Variants in SIRT7 observed in about 807,000 individuals in gnomAD.
The protein encoded by SIRT7 is NAD-dependent protein deacetylase sirtuin-7.
A neutral mutation model predicts 42.8 loss-of-function variants in SIRT7; 32 were observed. The observed-to-expected ratio is 0.75, with a 90% CI of 0.56 to 1.00. The LOEUF (loss-of-function observed/expected upper bound fraction) is 1.00, where lower values mean the gene tolerates loss of function less well. SIRT7 is among the 50% of genes least tolerant of loss of function. SIRT7 has a pLI of 0.00. For synonymous variants in SIRT7, 297 were observed against 245.2 expected (o/e 1.21, Z -1.97); for missense variants, 553 against 572.2 (o/e 0.97, Z 0.34).
Position 81,914,585 on chromosome 17 carries a change from TC to T in SIRT7, c.579+18del. 6.2e-7 allele frequency: 1 copy of T among 1,612,436 alleles called. No individual in the cohort carries two copies. Among genetic ancestry groups the T allele is most frequent in the Non-Finnish European group, 8.5e-7 (1 of 1,179,462 alleles). On this transcript the variant is annotated intron_variant, in intron 6 of 9. Transcript: ENST00000328666. ...CCCGCCTGCCCATGGAGACCCTGGG[TC>T]CCTGCAGGACTGCTCACTTCAATGT... is the stretch of plus-strand genomic sequence containing the variant.
At position 81,914,672 on chromosome 17, in the gene SIRT7, C is replaced by G; in HGVS notation, c.511G>C (p.Gly171Arg). The change falls in exon 6 of 10, where the codon GGG (glycine) becomes CGG (arginine). Residue 171 changes from glycine to arginine, a missense_variant. Transcript: ENST00000328666. Reference sequence around the variant, plus strand: ...GGCAGCCCACTCCTCAGGTGGAGCCCGTCACAGTTCTGAGACACCACATGC... The same window carrying G: ...GGCAGCCCACTCCTCAGGTGGAGCCGGTCACAGTTCTGAGACACCACATGC... ...VQHVVSQNCD[G>R]LHLRSGLPRT... 1 of 1,612,910 alleles carries G rather than the reference C, an allele frequency of 6.2e-7. No individual in the cohort carries two copies. The highest frequency in any genetic ancestry group is 8.5e-7 in the Non-Finnish European group (1 of 1,179,994).
Position 81,915,480 on chromosome 17 carries a change from AG to A in SIRT7, c.439del (p.Leu147SerfsTer4), listed in dbSNP as rs1452048782. 10 of 1,613,548 alleles carry A rather than the reference AG, an allele frequency of 6.2e-6. No individual in the cohort carries two copies. Among genetic ancestry groups the A allele is most frequent in the Non-Finnish European group, 8.5e-6 (10 of 1,179,944 alleles). On this transcript the variant is annotated frameshift_variant, in exon 5 of 10. Coordinates refer to ENST00000328666, the MANE Select transcript of SIRT7 (RefSeq NM_016538.3). LOFTEE classifies it high-confidence loss of function. ...CAGACGGGTGATGCTCATGTGGGTG[AG>A]GGTTGGCTCGGCCTCGCTCAGGTCG... ...AADLSEAEPTLTHMSITRLHE... is the reference protein window; with the variant it reads ...AADLSEAEPTXTHMSITRLHE...
Position 81,917,889 on chromosome 17 carries a change from C to G in SIRT7, c.172G>C (p.Val58Leu). 1 of 1,436,614 alleles carries G rather than the reference C, an allele frequency of 7.0e-7. No individual in the cohort carries two copies. The highest frequency in any genetic ancestry group is 9.1e-7 in the Non-Finnish European group (1 of 1,097,940). The allele number at this position is 1,436,614 out of a possible 1,614,324, so 89.0% of individuals were successfully genotyped here. The part of the protein sequence containing the change: ...GRLLAESADL[V>L]TELQGRSRRR... The stretch of plus-strand genomic sequence containing the variant: ...CGGCTCCGGCCCTGCAGCTCCGTTA[C>G]CAGGTCCGCGCTCTCGGCCAGCAGC... The change falls in exon 2 of 10, where the codon GTA (valine) becomes CTA (leucine). Residue 58 changes from valine to leucine, a missense_variant. Transcript: ENST00000328666.
Position 81,913,421 on chromosome 17 carries a change from C to A in SIRT7, c.1004+353G>T. 2.2e-6 allele frequency: 1 copy of A among 448,964 alleles called. No homozygotes were observed. The highest frequency in any genetic ancestry group is 4.4e-6 in the Non-Finnish European group (1 of 229,276). The allele number at this position is 448,964 out of a possible 1,614,324, so 27.8% of individuals were successfully genotyped here. On this transcript the variant is annotated intron_variant, in intron 9 of 9. Coordinates refer to ENST00000328666, the MANE Select transcript of SIRT7 (RefSeq NM_016538.3). The surrounding 1 kb of genome is among the most constrained non-coding windows in gnomAD (Gnocchi z 5.0). ...TCCCAAAGTACGCCAACTCCCAAAA[C>A]CAAGCACACAGATTCTGTCTGACCA...
intron 5 of SIRT7, 61 bp downstream of exon 5, chr17:81,915,379 C>A: frequency 3.2e-6 from 5 of 1,562,112 alleles, no homozygotes; most frequent in Non-Finnish European, 4.4e-6. Flanking sequence ...TAGTTGCCCA[C>A]TGGGCACCAA....
At position 81,912,280 on chromosome 17, in the gene SIRT7, A is replaced by G. The variant is rs199736516; in HGVS notation, c.*136T>C. ...AGCAGTGCAAGGGGCTTCCTCAAGGACAAATGGCTAAAAATGTCACGGTGA... is the reference window on the plus strand; with the variant it reads ...AGCAGTGCAAGGGGCTTCCTCAAGGGCAAATGGCTAAAAATGTCACGGTGA... On this transcript the variant is annotated 3_prime_UTR_variant, in exon 10 of 10. Transcript: ENST00000328666. 7 of 1,179,614 alleles carry G rather than the reference A, an allele frequency of 5.9e-6. No individual in the cohort carries two copies. In the East Asian group the frequency reaches 1.6e-4, roughly 28 times the overall value. The allele number at this position is 1,179,614 out of a possible 1,614,324, so 73.1% of individuals were successfully genotyped here.
chr17:81,916,033 C>T (rs553106211), intron 3 of SIRT7: 20 of 330,034 alleles, frequency 6.1e-5, no homozygotes, highest in African/African-American at 3.6e-4. Flanking sequence ...CCTAAAGTGC[C>T]CCCAGGGCCG....
chr17:81,918,020 G>T lies in SIRT7; in HGVS notation c.93+19C>A, dbSNP rs760532399. 1 of 1,430,784 alleles carries T rather than the reference G, an allele frequency of 7.0e-7. No homozygotes were observed. The highest frequency in any genetic ancestry group is 9.1e-7 in the Non-Finnish European group (1 of 1,098,392). The allele number at this position is 1,430,784 out of a possible 1,614,324, so 88.6% of individuals were successfully genotyped here. ...GCGCGGGCCGGGCATGGCCGGGCCG[G>T]GGAGCGGCGGCGGCGTACCTGGCGG... On this transcript the variant is annotated intron_variant, in intron 1 of 9. Transcript: ENST00000328666.
At position 81,914,659 on chromosome 17, in the gene SIRT7, C is replaced by T; in HGVS notation, c.524G>A (p.Arg175Lys). ...VSQNCDGLHL[R>K]SGLPRTAISE... ...GATGGCCGTGCGCGGCAGCCCACTCCTCAGGTGGAGCCCGTCACAGTTCTG... is the reference window on the plus strand; with the variant it reads ...GATGGCCGTGCGCGGCAGCCCACTCTTCAGGTGGAGCCCGTCACAGTTCTG... The change falls in exon 6 of 10, where the codon AGG becomes AAG. Residue 175 changes from arginine to lysine, a missense_variant. Coordinates refer to ENST00000328666, the MANE Select transcript of SIRT7 (RefSeq NM_016538.3). The T allele has an allele frequency of 6.2e-7, 1 of 1,613,074 alleles. No homozygotes were observed. The highest frequency in any genetic ancestry group is 8.5e-7 in the Non-Finnish European group (1 of 1,180,014).
At chr17:81,916,557 TC>T (rs930022640) in intron 3 of SIRT7, 1 of 151,088 alleles carries the variant, frequency 6.6e-6, no homozygotes, top group African/African-American at 2.4e-5. Flanking sequence ...ACCTCCGCCT[TC>T]CAGTTTCAAG....
Position 81,913,600 on chromosome 17 carries a change from G to A in SIRT7, c.1004+174C>T, listed in dbSNP as rs556430551. ...GCCAGGGCAGGAGTGGCACACGCAG[G>A]GTCTCCGCCAACCACCGAGGTCAGG... On this transcript the variant is annotated intron_variant, in intron 9 of 9. Transcript: ENST00000328666. The surrounding 1 kb of genome is among the most constrained non-coding windows in gnomAD (Gnocchi z 5.0). 6.5e-6 allele frequency: 4 copies of A among 611,252 alleles called. No individual in the cohort carries two copies. In the South Asian group the frequency reaches 7.6e-5, roughly 12 times the overall value. The allele number at this position is 611,252 out of a possible 1,614,324, so 37.9% of individuals were successfully genotyped here. A position where few individuals can be genotyped will look rare whatever the true frequency, so the allele number is the denominator to read the frequency against.
At chr17:81,914,951 C>T (rs1293757607) in intron 5 of SIRT7, 68 of 559,548 alleles carry the variant, frequency 1.2e-4, no homozygotes, top group Non-Finnish European at 2.3e-5. Context: ...GCTGGGAGGG[C>T]AAGAGGTTGC....
rs569148182 is a variant in SIRT7, at chr17:81,913,903, G to A, written c.898-23C>T. On this transcript the variant is annotated intron_variant, in intron 8 of 9. Transcript: ENST00000328666. The surrounding 1 kb of genome is among the most constrained non-coding windows in gnomAD (Gnocchi z 5.0). ...CCACTGAGGACAGGGAAAGCCGAGT[G>A]AGAGTAACAGCAGCCCAACCCTTCC... is the stretch of plus-strand genomic sequence containing the variant. 7.1e-6 allele frequency: 11 copies of A among 1,548,232 alleles called. No individual in the cohort carries two copies. The highest frequency in any genetic ancestry group is 8.7e-6 in the Non-Finnish European group (10 of 1,144,924).
At position 81,918,029 on chromosome 17, in the gene SIRT7, G is replaced by A. The variant is rs779057840; in HGVS notation, c.93+10C>T. 1 of 1,459,734 alleles carries A rather than the reference G, an allele frequency of 6.9e-7. No individual in the cohort carries two copies. The highest frequency in any genetic ancestry group is 9.0e-7 in the Non-Finnish European group (1 of 1,113,610). The allele number at this position is 1,459,734 out of a possible 1,614,324, so 90.4% of individuals were successfully genotyped here. On this transcript the variant is annotated intron_variant, in intron 1 of 9. Coordinates refer to ENST00000328666, the MANE Select transcript of SIRT7 (RefSeq NM_016538.3). ...GGGCATGGCCGGGCCGGGGAGCGGCGGCGGCGTACCTGGCGGAGGCGCTCC... is the reference window on the plus strand; with the variant it reads ...GGGCATGGCCGGGCCGGGGAGCGGCAGCGGCGTACCTGGCGGAGGCGCTCC...
At position 81,915,393 on chromosome 17, in the gene SIRT7, G is replaced by A. The variant is rs200300153; in HGVS notation, c.480+47C>T. The A allele has an allele frequency of 6.6e-5, 105 of 1,584,928 alleles. 1 individual carries two copies. The South Asian group carries it at 1.1e-3, about 16-fold the overall frequency. Reference sequence around the variant, plus strand: ...TTAGTTGCCCACTGGGCACCAAGGTGCTCTGCCTGGTCCCTGGCAAGTGTA... The same window carrying A: ...TTAGTTGCCCACTGGGCACCAAGGTACTCTGCCTGGTCCCTGGCAAGTGTA... On this transcript the variant is annotated intron_variant, in intron 5 of 9. Transcript: ENST00000328666.
Position 81,913,043 on chromosome 17 carries a change from C to A in SIRT7, c.1005-429G>T. 1 of 358,436 alleles carries A rather than the reference C, an allele frequency of 2.8e-6. No homozygotes were observed. The highest frequency in any genetic ancestry group is 2.2e-5 in the South Asian group (1 of 44,996). 22.2% of individuals were successfully genotyped at this position (358,436 alleles called of 1,614,324 possible). A position where few individuals can be genotyped will look rare whatever the true frequency, so the allele number is the denominator to read the frequency against. ...CAGCTGACTAGGGAGGCGTGGCCTA[C>A]AGACGACCCCGTGAAGAAAGCATGT... On this transcript the variant is annotated intron_variant, in intron 9 of 9. Transcript: ENST00000328666. The surrounding 1 kb of genome is among the most constrained non-coding windows in gnomAD (Gnocchi z 5.0).
At chr17:81,912,794 G>A in intron 9 of SIRT7, 180 bp from the exon 10 acceptor site, 1 of 689,294 alleles carries the variant, frequency 1.5e-6, no homozygotes, top group Non-Finnish European at 2.5e-6. Flanking sequence ...ACGGATGTGG[G>A]AGAGGTCACC....
At position 81,917,945 on chromosome 17, in the gene SIRT7, G is replaced by A; in HGVS notation, c.116C>T (p.Ala39Val). 7.2e-7 allele frequency: 1 copy of A among 1,380,600 alleles called. No individual in the cohort carries two copies. The highest frequency in any genetic ancestry group is 9.4e-7 in the Non-Finnish European group (1 of 1,069,274). The allele number at this position is 1,380,600 out of a possible 1,614,324, so 85.5% of individuals were successfully genotyped here. The change falls in exon 2 of 10, where the codon GCG (alanine) becomes GTG (valine). Residue 39 changes from alanine to valine, a missense_variant. Coordinates refer to ENST00000328666, the MANE Select transcript of SIRT7 (RefSeq NM_016538.3). ...LRQVSRILRK[A>V]AAERSAEEGR... ...CTCCTCGGCGCTGCGCTCCGCCGCCGCCTTCCTCAGGATGCGCGACACCTG... is the reference window on the plus strand; with the variant it reads ...CTCCTCGGCGCTGCGCTCCGCCGCCACCTTCCTCAGGATGCGCGACACCTG...
Position 81,918,070 on chromosome 17 carries a change from C to T in SIRT7, c.62G>A (p.Arg21Gln). 5 of 1,544,876 alleles carry T rather than the reference C, an allele frequency of 3.2e-6. No homozygotes were observed. The highest frequency in any genetic ancestry group is 4.3e-6 in the Non-Finnish European group (5 of 1,156,758). The change falls in exon 1 of 10, where the codon CGG becomes CAG. Residue 21 changes from arginine (R) to glutamine (Q), a missense_variant. Arg to Gln is a conservative substitution (Grantham distance 43). Transcript: ENST00000328666. The stretch of plus-strand genomic sequence containing the variant: ...GAGGCGCTCCCTCTGCTGCTCCTCC[C>T]GCAACCTCCGGACCCGCTCCGCCGC... ...RKAAERVRRL[R>Q]EEQQRERLRQ...
Sources: gnomAD v4.1 joint callset for allele counts on GRCh38, gnomAD v4.1.1 for gene constraint, Gnocchi (gnomAD v3.1) non-coding constraint, MANE v1.5 for transcripts, NCBI Gene and HGNC (gene_info 2026-07-23, HGNC 2026-07-21) for gene names.